LDHB: variants seen among roughly 807,000 people sequenced by gnomAD.
LDHB encodes L-lactate dehydrogenase B chain.
In LDHB, 18 loss-of-function variants were observed where a neutral mutation model predicts 33.4. The ratio of observed to expected loss-of-function variants is 0.54; its 90% CI spans 0.37 to 0.80. The LOEUF (loss-of-function observed/expected upper bound fraction) is 0.80. Among genes scored for constraint, LDHB ranks in the 30% least tolerant of loss-of-function variants. LDHB has a pLI of 0.00. For synonymous variants in LDHB, 121 were observed against 140.6 expected, an observed-to-expected ratio of 0.86 and a Z score of 0.98; for missense variants, 345 against 407.9, an observed-to-expected ratio of 0.85 and a Z score of 1.33.
intron 1 of LDHB, among the ~76,000 whole-genome samples, chr12:21,655,770 G>A (rs183488287): frequency 2.5e-4 from 38 of 152,170 alleles, no homozygotes; most frequent in African/African-American, 8.7e-4. Context: ...GAAAATGAAC[G>A]ATCTGTACAG....
intron 5 of LDHB, among the ~76,000 whole-genome samples, chr12:21,641,743 T>C (rs750184653): frequency 8.5e-5 from 13 of 152,076 alleles, no homozygotes; most frequent in Non-Finnish European, 1.5e-4. Context: ...TTATGCTTAA[T>C]TGATCAAGGT....
At position 21,654,192 on chromosome 12, in the gene LDHB, C is replaced by T. The variant is rs561595498; in HGVS notation, c.129+351G>A. On this transcript the variant is annotated intron_variant, in intron 2 of 7. Transcript: ENST00000350669. Reference sequence around the variant, plus strand: ...AGTTCCAGCTTAAAGAATGAAGAGACGTAAGTATATGAGACACATGATCTT... The same window carrying T: ...AGTTCCAGCTTAAAGAATGAAGAGATGTAAGTATATGAGACACATGATCTT... Among the ~76,000 whole-genome samples, 35 of 152,198 alleles carry T rather than the reference C, an allele frequency of 2.3e-4. No individual in the cohort carries two copies. The East Asian group carries it at 6.2e-3, about 27-fold the overall frequency.
At chr12:21,651,154 C>T (rs1377815468) in intron 2 of LDHB, among the ~76,000 whole-genome samples, 1 of 152,180 alleles carries the variant, frequency 6.6e-6, no homozygotes, top group African/African-American at 2.4e-5. Context: ...AGAGATGGTA[C>T]CATCATGTTG....
chr12:21,646,388 C>G (rs1045579756), intron 3 of LDHB, among the ~76,000 whole-genome samples: 3 of 152,186 alleles, frequency 2.0e-5, no homozygotes, highest in Non-Finnish European at 2.9e-5. Context: ...TAACCATTTT[C>G]TACATACACT....
intron 7 of LDHB, among the ~76,000 whole-genome samples, chr12:21,636,534 C>T (rs771388422): frequency 2.0e-5 from 3 of 151,848 alleles, no homozygotes; most frequent in Non-Finnish European, 2.9e-5. Flanking sequence ...TATGTATGTA[C>T]CCAAAGACTC....
chr12:21,650,208 C>T (rs1441916459), intron 2 of LDHB, among the ~76,000 whole-genome samples: 1 of 151,068 alleles, frequency 6.6e-6, no homozygotes, highest in Non-Finnish European at 1.5e-5. Flanking sequence ...AAAGGTATAA[C>T]CTTTCTCAAA....
At chr12:21,637,283 T>C (rs1938245458) in intron 6 of LDHB, 89 bp from the exon 7 acceptor site, 5 of 1,017,694 alleles carry the variant, frequency 4.9e-6, no homozygotes, top group African/African-American at 3.2e-5. Context: ...TGTCTCTAAC[T>C]ATAATCTTGG....
Position 21,638,484 on chromosome 12 carries a change from A to T in LDHB, c.596-14T>A, listed in dbSNP as rs752824810. The T allele has an allele frequency of 1.7e-5, 25 of 1,456,908 alleles. No individual in the cohort carries two copies. The East Asian group carries it at 5.4e-4, about 32-fold the overall frequency. The allele number at this position is 1,456,908 out of a possible 1,614,324, so 90.2% of individuals were successfully genotyped here. The stretch of plus-strand genomic sequence containing the variant: ...TCCACACAGCCACTGTTTAAAAAAA[A>T]AAAAAAAGACATTGCAGTTATTTCT... On this transcript the variant is annotated splice_polypyrimidine_tract_variant and intron_variant, in intron 5 of 7. Coordinates refer to ENST00000350669, the MANE Select transcript of LDHB (RefSeq NM_002300.8).
chr12:21,635,642 G>A lies in LDHB; in HGVS notation c.905C>T (p.Thr302Ile), dbSNP rs753427975. Residue 302 changes from threonine (T) to isoleucine (I), a missense_variant, in exon 8 of 8, where the codon ACC becomes ATC. Transcript: ENST00000350669. Reference protein sequence around the residue: ...LPCILNARGLTSVINQKLKDD... With the variant: ...LPCILNARGLISVINQKLKDD... ...CTTTAGCTTCTGGTTGATAACGCTG[G>A]TTAATCCCCGGGCATTGAGGATACA... 31 of 1,613,472 alleles carry A rather than the reference G, an allele frequency of 1.9e-5. No individual in the cohort carries two copies. Among genetic ancestry groups the A allele is most frequent in the Non-Finnish European group, 2.5e-5 (30 of 1,179,738 alleles).
At chr12:21,652,531 G>C (rs997056866) in intron 2 of LDHB, among the ~76,000 whole-genome samples, 3 of 152,228 alleles carry the variant, frequency 2.0e-5, no homozygotes, top group Non-Finnish European at 4.4e-5. Flanking sequence ...CAGTGAGCGT[G>C]AAATTGTGGT....
intron 6 of LDHB, among the ~76,000 whole-genome samples, chr12:21,637,835 T>C (rs1349531892): frequency 2.0e-5 from 3 of 152,014 alleles, no homozygotes; most frequent in South Asian, 4.1e-4. Flanking sequence ...TATATGTTAA[T>C]TGAAATTATA....
chr12:21,656,130 A>G (rs1039613286), intron 1 of LDHB, among the ~76,000 whole-genome samples: 4 of 152,242 alleles, frequency 2.6e-5, no homozygotes, highest in African/African-American at 9.6e-5. Flanking sequence ...TAGTCTATTA[A>G]CTGTATACGT....
intron 1 of LDHB, chr12:21,657,272 C>T (rs1310596845): frequency 6.6e-6 from 1 of 152,274 alleles, no homozygotes; most frequent in Non-Finnish European, 1.5e-5. Flanking sequence ...TGCTGGTCAT[C>T]TAGGTGCCTT....
chr12:21,644,109 C>G lies in LDHB; in HGVS notation c.248-1G>C. The G allele has an allele frequency of 6.2e-7, 1 of 1,609,664 alleles. No homozygotes were observed. Among genetic ancestry groups the G allele is most frequent in the Non-Finnish European group, 8.5e-7 (1 of 1,176,114 alleles). The stretch of plus-strand genomic sequence containing the variant: ...TTAGAATTGGCAGTCACAGAATAAT[C>G]TTTAAAAAGAAAAGCAAAAACAGGT... On this transcript the variant is annotated splice_acceptor_variant, in intron 3 of 7. Coordinates refer to ENST00000350669, the MANE Select transcript of LDHB (RefSeq NM_002300.8). LOFTEE classifies it high-confidence loss of function.
At chr12:21,649,124 C>T (rs1304465057) in intron 2 of LDHB, among the ~76,000 whole-genome samples, 2 of 152,168 alleles carry the variant, frequency 1.3e-5, no homozygotes, top group Non-Finnish European at 2.9e-5. Flanking sequence ...TATTAAGGTA[C>T]TGAGCACTGG....
At position 21,654,416 on chromosome 12, in the gene LDHB, T is replaced by TTA. The variant is rs1332724511; in HGVS notation, c.129+126_129+127insTA. On this transcript the variant is annotated intron_variant, in intron 2 of 7. Coordinates refer to ENST00000350669, the MANE Select transcript of LDHB (RefSeq NM_002300.8). Reference sequence around the variant, plus strand: ...TATTTGAAAGTGAAGTGGGATTACATCTACAACTTCAAATTGCTCAGGAAA... The same window carrying TTA: ...TATTTGAAAGTGAAGTGGGATTACATTACTACAACTTCAAATTGCTCAGGAAA... The TTA allele has an allele frequency of 1.2e-5, 10 of 844,246 alleles. No individual in the cohort carries two copies. In the East Asian group the frequency reaches 2.6e-4, roughly 22 times the overall value. The allele number at this position is 844,246 out of a possible 1,614,324, so 52.3% of individuals were successfully genotyped here. A position where few individuals can be genotyped will look rare whatever the true frequency, so the allele number is the denominator to read the frequency against.
chr12:21,636,468 CT>C (rs1938220131), intron 7 of LDHB, among the ~76,000 whole-genome samples: 1 of 151,624 alleles, frequency 6.6e-6, no homozygotes, highest in East Asian at 1.9e-4. Flanking sequence ...AGTTTTTAAA[CT>C]TTTAATTTCA....
intron 1 of LDHB, among the ~76,000 whole-genome samples, chr12:21,655,643 A>G (rs1938822714): frequency 6.6e-6 from 1 of 152,168 alleles, no homozygotes; most frequent in Admixed American, 6.5e-5. Flanking sequence ...CACTTAATAC[A>G]TTGTCGTTTC....
At chr12:21,637,909 A>AC (rs1938260610) in intron 6 of LDHB, among the ~76,000 whole-genome samples, 1 of 151,404 alleles carries the variant, frequency 6.6e-6, no homozygotes, top group Non-Finnish European at 1.5e-5. Flanking sequence ...CTGAAAAAAA[A>AC]ATTACTAAAA....
Sources: allele counts gnomAD v4.1 joint callset (sites outside exome capture counted in the v4.1 genomes callset), GRCh38; gene constraint gnomAD v4.1.1; transcripts MANE v1.5; gene names NCBI Gene and HGNC (gene_info 2026-07-23, HGNC 2026-07-21).